Variants in CAMTA1 observed in about 807,000 individuals in gnomAD.
The protein encoded by CAMTA1 is calmodulin-binding transcription activator 1.
CAMTA1 carries 27 observed loss-of-function variants against 170.9 expected under a neutral mutation model. That is an observed-to-expected ratio of 0.16 (90% CI 0.12 to 0.22). The LOEUF (loss-of-function observed/expected upper bound fraction) is 0.22, where lower values mean the gene tolerates loss of function less well. Among genes scored for constraint, CAMTA1 ranks in the 10% least tolerant of loss-of-function variants. The pLI, the probability that CAMTA1 is intolerant of heterozygous loss-of-function variation, is 1.00. For synonymous variants in CAMTA1, 833 were observed against 891.5 expected (o/e 0.93, Z 1.17); for missense variants, 1,619 against 2,217.2 (o/e 0.73, Z 5.42).
At chr1:7,312,316 AC>A (rs1410644736) in intron 5 of CAMTA1, among the ~76,000 whole-genome samples, 4 of 152,052 alleles carry the variant, frequency 2.6e-5, no homozygotes, top group African/African-American at 4.8e-5. Flanking sequence ...GAAAAAAAAA[AC>A]AAAAAACGGG....
intron 3 of CAMTA1, among the ~76,000 whole-genome samples, chr1:6,951,745 C>T (rs10864251): frequency 2.6e-5 from 4 of 151,856 alleles, no homozygotes; most frequent in Non-Finnish European, 2.9e-5. Context: ...GGGCCCTGTC[C>T]GAGGCCCAAG....
chr1:7,037,057 T>C (rs1335091471), intron 3 of CAMTA1, among the ~76,000 whole-genome samples: 2 of 152,178 alleles, frequency 1.3e-5, no homozygotes, highest in Admixed American at 6.5e-5. Context: ...AAGAACCTTT[T>C]GAGTTTGTTG....
At chr1:7,368,074 G>C (rs1209324734) in intron 5 of CAMTA1, among the ~76,000 whole-genome samples, 1 of 151,296 alleles carries the variant, frequency 6.6e-6, no homozygotes, top group Non-Finnish European at 1.5e-5. Context: ...GCAGACATTG[G>C]GCACTCATGG....
At chr1:7,358,070 G>C (rs969367245) in intron 5 of CAMTA1, among the ~76,000 whole-genome samples, 3 of 152,192 alleles carry the variant, frequency 2.0e-5, no homozygotes, top group African/African-American at 2.4e-5. Context: ...CTTTGTGGAG[G>C]GGGGGAATGG....
intron 5 of CAMTA1, among the ~76,000 whole-genome samples, chr1:7,327,406 C>CAAAAAAAA (rs34737058): frequency 1.4e-4 from 12 of 87,860 alleles, no homozygotes; most frequent in Non-Finnish European, 1.6e-4. Flanking sequence ...GACTCCATCT[C>CAAAAAAAA]AAAAAAAAAA....
intron 6 of CAMTA1, among the ~76,000 whole-genome samples, chr1:7,555,765 C>T (rs2094867760): frequency 1.1e-5 from 1 of 89,996 alleles, no homozygotes; most frequent in Non-Finnish European, 2.8e-5. Context: ...AGGAGTCATT[C>T]ATTCACCTCC....
intron 6 of CAMTA1, among the ~76,000 whole-genome samples, chr1:7,574,659 G>T (rs149447578): frequency 1.3e-5 from 2 of 152,128 alleles, no homozygotes; most frequent in African/African-American, 4.8e-5. Flanking sequence ...AGAGAGGTCC[G>T]CCTGGCCAGC....
chr1:7,529,883 C>T (rs968162290), intron 6 of CAMTA1, among the ~76,000 whole-genome samples: 1 of 152,200 alleles, frequency 6.6e-6, no homozygotes, highest in Non-Finnish European at 1.5e-5. Flanking sequence ...GTGAGGCTGT[C>T]CTGGGAGGCC....
intron 3 of CAMTA1, among the ~76,000 whole-genome samples, chr1:6,880,782 A>C (rs1190293400): frequency 2.6e-5 from 4 of 151,980 alleles, no homozygotes; most frequent in South Asian, 4.2e-4. Flanking sequence ...GAGTGACTTA[A>C]ATTCAAATAT....
chr1:7,680,814 G>A lies in CAMTA1; in HGVS notation c.2914+3081G>A, dbSNP rs112408242. On this transcript the variant is annotated intron_variant, in intron 11 of 22. Coordinates refer to ENST00000303635, the MANE Select transcript of CAMTA1 (RefSeq NM_015215.4). The surrounding 1 kb of genome is among the most constrained non-coding windows in gnomAD (Gnocchi z 4.4). ...TTGTTTGCTTGGCTAAAGGCCGGGG[G>A]GGGGCGTGGGTCCGGGGCGCAGAGA... Among the ~76,000 whole-genome samples the A allele has an allele frequency of 2.0e-4, 9 of 45,594 alleles. No homozygotes were observed. Among genetic ancestry groups the A allele is most frequent in the East Asian group, 1.6e-3 (1 of 618 alleles). The allele number at this position is 45,594 out of a possible 152,430, so 29.9% of individuals were successfully genotyped here.
chr1:7,565,897 G>A lies in CAMTA1; in HGVS notation c.511-74503G>A, dbSNP rs1299291264. Among the ~76,000 whole-genome samples the A allele has an allele frequency of 5.3e-5, 8 of 152,006 alleles. No homozygotes were observed. The highest frequency in any genetic ancestry group is 4.6e-4 in the Admixed American group (7 of 15,280). ...CTCCCTTCCTGGCTTGCAGACAGCC[G>A]CCTTCTCGCTGTGTCCTCACATAGT... On this transcript the variant is annotated intron_variant, in intron 6 of 22. Coordinates refer to ENST00000303635, the MANE Select transcript of CAMTA1 (RefSeq NM_015215.4). This position sits in a 1 kb window ranked among gnomAD's most constrained non-coding sequence, Gnocchi z 4.5.
chr1:7,653,731 G>C (rs1430793463), intron 7 of CAMTA1, among the ~76,000 whole-genome samples: 1 of 152,138 alleles, frequency 6.6e-6, no homozygotes, highest in Non-Finnish European at 1.5e-5. Context: ...GGGAGGGCAT[G>C]ATTGAGAAAT....
Position 7,050,750 on chromosome 1 carries a change from C to A in CAMTA1, c.235-40554C>A, listed in dbSNP as rs1460239668. ...AGAGTATGGTGGGGAGGGGAAGGAG[C>A]CCCAGGGGGCCTTGGCCTCCACGAG... On this transcript the variant is annotated intron_variant, in intron 3 of 22. Transcript: ENST00000303635. The surrounding 1 kb of genome is among the most constrained non-coding windows in gnomAD (Gnocchi z 4.8). Among the ~76,000 whole-genome samples, 1 of 152,068 alleles carries A rather than the reference C, an allele frequency of 6.6e-6. No individual in the cohort carries two copies. Among genetic ancestry groups the A allele is most frequent in the African/African-American group, 2.4e-5 (1 of 41,414 alleles).
At chr1:7,271,932 T>C (rs991596790) in intron 5 of CAMTA1, among the ~76,000 whole-genome samples, 21 of 152,076 alleles carry the variant, frequency 1.4e-4, no homozygotes, top group East Asian at 5.8e-4. Context: ...AGAATCCGAA[T>C]AGACCAAAAA....
rs115225023 is a variant in CAMTA1, at chr1:6,893,107, C to G, written c.234+67897C>G. 3.6e-3 allele frequency among the ~76,000 whole-genome samples: 550 copies of G among 151,990 alleles called. 4 individuals are homozygous for G. The highest frequency in any genetic ancestry group is 0.012 in the African/African-American group (509 of 41,452). On this transcript the variant is annotated intron_variant, in intron 3 of 22. Transcript: ENST00000303635. ...CCAGCCTGGCCAACATGGTGAAGCC[C>G]TCATCTCTACTAAAAATGCAAAAAA...
chr1:7,150,001 C>T (rs989163275), intron 4 of CAMTA1, among the ~76,000 whole-genome samples: 4 of 152,184 alleles, frequency 2.6e-5, no homozygotes, highest in Non-Finnish European at 5.9e-5. Context: ...CTGCCCAGGA[C>T]TCAAACAGGA....
intron 7 of CAMTA1, among the ~76,000 whole-genome samples, chr1:7,648,173 C>A (rs2095822649): frequency 6.6e-6 from 1 of 152,192 alleles, no homozygotes; most frequent in African/African-American, 2.4e-5. Flanking sequence ...GCAGGTAGAT[C>A]ACCTGAGGTC....
intron 6 of CAMTA1, among the ~76,000 whole-genome samples, chr1:7,489,195 C>G (rs377031764): frequency 1.3e-5 from 2 of 152,256 alleles, no homozygotes; most frequent in Non-Finnish European, 2.9e-5. Context: ...GGCCATGATG[C>G]CTGCCGCCCC....
chr1:7,503,094 C>G (rs550185298), intron 6 of CAMTA1, among the ~76,000 whole-genome samples: 87 of 152,276 alleles, frequency 5.7e-4, no homozygotes, highest in African/African-American at 2.1e-3. Context: ...GTGTCATGGG[C>G]TCTGTGGAAT....
Sources: gnomAD v4.1 joint callset for allele counts (sites outside exome capture counted in the v4.1 genomes callset) on GRCh38, gnomAD v4.1.1 for gene constraint, Gnocchi (gnomAD v3.1) non-coding constraint, MANE v1.5 for transcripts, NCBI Gene and HGNC (gene_info 2026-07-23, HGNC 2026-07-21) for gene names.